The following TMEM179 variants were observed in gnomAD, a reference collection of about 807,000 sequenced individuals.
TMEM179 encodes transmembrane protein 179, also known as transmembrane protein 179A.
In TMEM179, 17 loss-of-function variants were observed where a neutral mutation model predicts 22.2. That is an observed-to-expected ratio of 0.77 (90% CI 0.52 to 1.15). TMEM179 has a LOEUF of 1.15. Among genes scored for constraint, TMEM179 ranks in the 50% most tolerant of loss-of-function variants. The pLI is 0.00. For synonymous variants in TMEM179, 127 were observed against 140.5 expected (o/e 0.90, Z 0.68); for missense variants, 265 against 313.6 (o/e 0.84, Z 1.17).
At position 104,597,785 on chromosome 14, in the gene TMEM179, C is replaced by T. The variant is rs145132713; in HGVS notation, c.306-658G>A. On this transcript the variant is annotated intron_variant, in intron 1 of 3. Coordinates refer to ENST00000556573, the MANE Select transcript of TMEM179 (RefSeq NM_001286389.2). The surrounding 1 kb of genome is among the most constrained non-coding windows in gnomAD (Gnocchi z 4.8). The stretch of plus-strand genomic sequence containing the variant: ...TTTACAAGACCCCAGCCTGTGATGC[C>T]GAGAGCTTCCATTCACCCGCAGGTC... 9.7e-4 allele frequency among the ~76,000 whole-genome samples: 148 copies of T among 152,308 alleles called. 2 individuals are homozygous for T. The Middle Eastern group carries it at 0.01, about 11-fold the overall frequency.
At chr14:104,600,919 G>C (rs539233374) in intron 1 of TMEM179, among the ~76,000 whole-genome samples, 99 of 152,336 alleles carry the variant, frequency 6.5e-4, no homozygotes, top group Admixed American at 1.8e-3. Context: ...GTCCCCTTTA[G>C]AGGGTTAGAG....
chr14:104,595,909 C>G lies in TMEM179; in HGVS notation c.444-666G>C, dbSNP rs752552675. 1.3e-5 allele frequency among the ~76,000 whole-genome samples: 2 copies of G among 152,254 alleles called. No individual in the cohort carries two copies. The highest frequency in any genetic ancestry group is 2.9e-5 in the Non-Finnish European group (2 of 68,038). ...TGCCAGAAAGAGGGGGCCCAGCGGC[C>G]CCAAATCCCTGGAGGGGCTGAAGGG... On this transcript the variant is annotated intron_variant, in intron 2 of 3. Transcript: ENST00000556573. The surrounding 1 kb of genome is among the most constrained non-coding windows in gnomAD (Gnocchi z 5.7).
At chr14:104,594,242 G>A (rs1481746693) in intron 3 of TMEM179, 1 of 1,231,724 alleles carries the variant, frequency 8.1e-7, no homozygotes, top group African/African-American at 1.6e-5. Flanking sequence ...TTTGCATGAA[G>A]GTGTCTTTGA....
chr14:104,595,324 C>A lies in TMEM179; in HGVS notation c.444-81G>T. ...ATGGCTGAGCCGCTGGCCAGAGAGC[C>A]AGGAGCTTTGCCCTACAATTGTTGG... is the stretch of plus-strand genomic sequence containing the variant. On this transcript the variant is annotated intron_variant, in intron 2 of 3. Coordinates refer to ENST00000556573, the MANE Select transcript of TMEM179 (RefSeq NM_001286389.2). This position sits in a 1 kb window ranked among gnomAD's most constrained non-coding sequence, Gnocchi z 5.7. 1 of 1,423,564 alleles carries A rather than the reference C, an allele frequency of 7.0e-7. No homozygotes were observed. The highest frequency in any genetic ancestry group is 1.3e-5 in the South Asian group (1 of 77,968). 88.2% of individuals were successfully genotyped at this position (1,423,564 alleles called of 1,614,324 possible). A position where few individuals can be genotyped will look rare whatever the true frequency, so the allele number is the denominator to read the frequency against.
In TMEM179 at chr14:104,597,315, T is replaced by C. The variant is rs1204625577; in HGVS notation, c.306-188A>G. Among the ~76,000 whole-genome samples, 1 of 152,062 alleles carries C rather than the reference T, an allele frequency of 6.6e-6. No homozygotes were observed. The highest frequency in any genetic ancestry group is 2.4e-5 in the African/African-American group (1 of 41,400). On this transcript the variant is annotated intron_variant, in intron 1 of 3. Transcript: ENST00000556573. The surrounding 1 kb of genome is among the most constrained non-coding windows in gnomAD (Gnocchi z 4.8). ...GGCCCTGTGGGGCCTCAAGGAGTTG[T>C]TCCCCCTGCCTGCGGTCCCTCGGGC...
chr14:104,593,064 A>C lies in TMEM179; in HGVS notation c.*415T>G. 2 of 187,832 alleles carry C rather than the reference A, an allele frequency of 1.1e-5. No individual in the cohort carries two copies. The highest frequency in any genetic ancestry group is 2.3e-5 in the African/African-American group (1 of 42,770). The allele number at this position is 187,832 out of a possible 1,614,324, so 11.6% of individuals were successfully genotyped here. ...GCCTGGATGGCAGAATTCATGCAGA[A>C]TTCGTTCAGGGCTAAGTGACATCTG... On this transcript the variant is annotated 3_prime_UTR_variant, in exon 4 of 4. Coordinates refer to ENST00000556573, the MANE Select transcript of TMEM179 (RefSeq NM_001286389.2).
chr14:104,596,351 T>C (rs866255888), intron 2 of TMEM179, among the ~76,000 whole-genome samples: 3 of 152,152 alleles, frequency 2.0e-5, no homozygotes, highest in Admixed American at 2.0e-4. Context: ...TGTGCTCCAC[T>C]CTGGGGCCCC....
chr14:104,601,678 C>A (rs1244257133), intron 1 of TMEM179, among the ~76,000 whole-genome samples: 1 of 152,140 alleles, frequency 6.6e-6, no homozygotes, highest in Non-Finnish European at 1.5e-5. Flanking sequence ...GACACAGGCA[C>A]CAGATGTCCC....
At chr14:104,594,038 A>G in intron 3 of TMEM179, 2 of 1,228,110 alleles carry the variant, frequency 1.6e-6, no homozygotes, top group Non-Finnish European at 2.0e-6. Flanking sequence ...TAAACAGCGG[A>G]GGCTCCTCCA....
At chr14:104,596,434 C>T (rs548212558) in intron 2 of TMEM179, among the ~76,000 whole-genome samples, 59 of 152,320 alleles carry the variant, frequency 3.9e-4, no homozygotes, top group African/African-American at 1.4e-3. Flanking sequence ...ATCCCCAACC[C>T]GCCTGGGAGC....
rs189965962 is a variant in TMEM179 at position 104,597,674 on chromosome 14, C to A, written c.306-547G>T. On this transcript the variant is annotated intron_variant, in intron 1 of 3. Coordinates refer to ENST00000556573, the MANE Select transcript of TMEM179 (RefSeq NM_001286389.2). The surrounding 1 kb of genome is among the most constrained non-coding windows in gnomAD (Gnocchi z 4.8). ...GCAGATAACGACACAGCAAGAGGAA[C>A]GGGCCCTCAGCAGGCATCGAACCTG... 1.3e-5 allele frequency among the ~76,000 whole-genome samples: 2 copies of A among 152,252 alleles called. No individual in the cohort carries two copies. Among genetic ancestry groups the A allele is most frequent in the African/African-American group, 4.8e-5 (2 of 41,540 alleles).
Position 104,593,174 on chromosome 14 carries a change from A to G in TMEM179, c.*305T>C, listed in dbSNP as rs1886898746. 3 of 458,168 alleles carry G rather than the reference A, an allele frequency of 6.5e-6. No homozygotes were observed. Among genetic ancestry groups the G allele is most frequent in the Non-Finnish European group, 1.2e-5 (3 of 256,546 alleles). 28.4% of individuals were successfully genotyped at this position (458,168 alleles called of 1,614,324 possible). A position where few individuals can be genotyped will look rare whatever the true frequency, so the allele number is the denominator to read the frequency against. On this transcript the variant is annotated 3_prime_UTR_variant, in exon 4 of 4. Coordinates refer to ENST00000556573, the MANE Select transcript of TMEM179 (RefSeq NM_001286389.2). ...TGGACGCCCTCCACATAGGCTGGCC[A>G]GTCAGGTCCTACTGGGACAGCCAAG...
At position 104,596,948 on chromosome 14, in the gene TMEM179, C is replaced by T. The variant is rs547258160; in HGVS notation, c.443+42G>A. 49 of 1,445,542 alleles carry T rather than the reference C, an allele frequency of 3.4e-5. No individual in the cohort carries two copies. In the South Asian group the frequency reaches 4.9e-4, roughly 15 times the overall value. The allele number at this position is 1,445,542 out of a possible 1,614,324, so 89.5% of individuals were successfully genotyped here. A position where few individuals can be genotyped will look rare whatever the true frequency, so the allele number is the denominator to read the frequency against. On this transcript the variant is annotated intron_variant, in intron 2 of 3. Transcript: ENST00000556573. ...CAGGGCAGGGTGTCAAGGGATCTTCCGGGGAGGTGGGCGGAGGCCGAGGCG... is the reference window on the plus strand; with the variant it reads ...CAGGGCAGGGTGTCAAGGGATCTTCTGGGGAGGTGGGCGGAGGCCGAGGCG...
rs557408508 is a variant in TMEM179, at chr14:104,598,573, G to A, written c.306-1446C>T. Among the ~76,000 whole-genome samples the A allele has an allele frequency of 1.8e-3, 277 of 152,386 alleles. 1 individual carries two copies. Among genetic ancestry groups the A allele is most frequent in the African/African-American group, 6.4e-3 (268 of 41,594 alleles). ...CACTTTCTGAGCACCTGCTCGCCCT[G>A]TGCTGGACACAGAGGGCAGAGTGAT... On this transcript the variant is annotated intron_variant, in intron 1 of 3. Coordinates refer to ENST00000556573, the MANE Select transcript of TMEM179 (RefSeq NM_001286389.2).
chr14:104,594,595 G>GC lies in TMEM179; in HGVS notation c.522+569dup, dbSNP rs1019765688. The GC allele has an allele frequency of 6.1e-5, 75 of 1,229,718 alleles. No individual in the cohort carries two copies. The African/African-American group carries it at 1.0e-3, about 17-fold the overall frequency. 76.2% of individuals were successfully genotyped at this position (1,229,718 alleles called of 1,614,324 possible). ...CCACATGCCTGCATTTCAGCAAATA[G>GC]CGTCCCTCAGAGTGGGGGCCACCAT... is the stretch of plus-strand genomic sequence containing the variant. On this transcript the variant is annotated intron_variant, in intron 3 of 3. Transcript: ENST00000556573.
intron 1 of TMEM179, among the ~76,000 whole-genome samples, chr14:104,598,593 A>C (rs1022400083): frequency 6.6e-5 from 10 of 152,244 alleles, no homozygotes; most frequent in African/African-American, 2.4e-4. Flanking sequence ...CAGAGGGCAG[A>C]GTGATACAAA....
In TMEM179 at chr14:104,591,294, A is replaced by G; in HGVS notation, c.*2185T>C. 1 of 444,864 alleles carries G rather than the reference A, an allele frequency of 2.2e-6. No homozygotes were observed. The highest frequency in any genetic ancestry group is 4.5e-6 in the Non-Finnish European group (1 of 222,946). The allele number at this position is 444,864 out of a possible 1,614,324, so 27.6% of individuals were successfully genotyped here. ...GGCCAAGCCTCAGGTTCCAGAAGCC[A>G]CCCCTGCCTCCTGCCCCTCCTTCAG... On this transcript the variant is annotated 3_prime_UTR_variant, in exon 4 of 4. Transcript: ENST00000556573.
At chr14:104,596,871 G>A in intron 2 of TMEM179, 119 bp downstream of exon 2, 1 of 1,340,386 alleles carries the variant, frequency 7.5e-7, no homozygotes. Flanking sequence ...TGCACAGTGG[G>A]ACCAGGGACC....
chr14:104,594,987 C>T, intron 3 of TMEM179, 178 bp downstream of exon 3: 1 of 1,477,428 alleles, frequency 6.8e-7, no homozygotes, highest in Admixed American at 2.4e-5. Flanking sequence ...CCCAGCTCTC[C>T]CCCACCTCCT....
Sources: gnomAD v4.1 joint callset for allele counts (sites outside exome capture counted in the v4.1 genomes callset) on GRCh38, gnomAD v4.1.1 for gene constraint, Gnocchi (gnomAD v3.1) non-coding constraint, MANE v1.5 for transcripts, NCBI Gene and HGNC (gene_info 2026-07-23, HGNC 2026-07-21) for gene names.